MARCHF11: variants seen among roughly 807,000 people sequenced by gnomAD.
MARCHF11 encodes the protein membrane associated ring-CH-type finger 11, also known as E3 ubiquitin-protein ligase MARCHF11.
Under a neutral mutation model 37.3 loss-of-function variants are expected in MARCHF11, and 29 were observed. That is an observed-to-expected ratio of 0.78 (90% CI 0.58 to 1.06). The LOEUF (loss-of-function observed/expected upper bound fraction) is 1.06. Among genes scored for constraint, MARCHF11 ranks in the 50% least tolerant of loss-of-function variants. The pLI, the probability that MARCHF11 is intolerant of heterozygous loss-of-function variation, is 0.00. For synonymous variants in MARCHF11, 233 were observed against 228.0 expected (o/e 1.02, Z -0.20); for missense variants, 482 against 533.4 (o/e 0.90, Z 0.95).
rs56782867 is a variant in MARCHF11 at position 16,085,939 on chromosome 5, C to CAAAAAAAAAAA, written c.886+4939_886+4949dup. On this transcript the variant is annotated intron_variant, in intron 3 of 3. Transcript: ENST00000332432. ...TGGGCGAAAGAGCAAGACTCCATCT[C>CAAAAAAAAAAA]AAAAAAAAAAAAAAAAAAAAAAAAA... 1.3e-3 allele frequency among the ~76,000 whole-genome samples: 55 copies of CAAAAAAAAAAA among 40,968 alleles called. 9 individuals are homozygous for CAAAAAAAAAAA. Among genetic ancestry groups the CAAAAAAAAAAA allele is most frequent in the Non-Finnish European group, 2.0e-3 (43 of 21,440 alleles). The allele number at this position is 40,968 out of a possible 152,430, so 26.9% of individuals were successfully genotyped here. A position where few individuals can be genotyped will look rare whatever the true frequency, so the allele number is the denominator to read the frequency against.
chr5:16,163,560 T>C (rs1003840156), intron 2 of MARCHF11, among the ~76,000 whole-genome samples: 3 of 152,070 alleles, frequency 2.0e-5, no homozygotes, highest in Non-Finnish European at 4.4e-5. Flanking sequence ...ACTATATGCT[T>C]TTTGTAAGAG....
At chr5:16,103,629 C>T (rs1300057753) in intron 2 of MARCHF11, among the ~76,000 whole-genome samples, 8 of 152,132 alleles carry the variant, frequency 5.3e-5, no homozygotes, top group African/African-American at 1.9e-4. Flanking sequence ...CTTGCCATTC[C>T]CCATCAAGAA....
At chr5:16,154,982 A>T (rs1321406535) in intron 2 of MARCHF11, among the ~76,000 whole-genome samples, 2 of 151,826 alleles carry the variant, frequency 1.3e-5, no homozygotes, top group African/African-American at 4.8e-5. Flanking sequence ...TTCCTACCAC[A>T]TCTGACCCAA....
chr5:16,090,959 C>T lies in MARCHF11; in HGVS notation c.816G>A (p.Val272=), dbSNP rs766298752. The change falls in exon 3 of 4, where the codon GTG becomes GTA. Residue 272 remains valine, a synonymous_variant. Coordinates refer to ENST00000332432, the MANE Select transcript of MARCHF11 (RefSeq NM_001102562.3). ...GAAAAAGGATGTCCTTCCTCTGCCA[C>T]ACTGCATAGGGGCTGAAGGCTGACC... ...LLWSAFSPYA[V]WQRKDILFQI... 4.3e-6 allele frequency: 7 copies of T among 1,611,744 alleles called. No individual in the cohort carries two copies. In the Middle Eastern group the frequency reaches 1.2e-3, roughly 265 times the overall value.
At chr5:16,126,248 A>G (rs1021384725) in intron 2 of MARCHF11, among the ~76,000 whole-genome samples, 2 of 152,212 alleles carry the variant, frequency 1.3e-5, no homozygotes, top group African/African-American at 4.8e-5. Flanking sequence ...ATCATCTGAC[A>G]TAGAAAGAAA....
intron 2 of MARCHF11, among the ~76,000 whole-genome samples, chr5:16,125,871 A>G (rs1238095934): frequency 6.6e-6 from 1 of 152,186 alleles, no homozygotes; most frequent in Non-Finnish European, 1.5e-5. Context: ...AGTAAGCTGC[A>G]CTTGTACTTT....
chr5:16,098,000 G>A (rs1011251862), intron 2 of MARCHF11, among the ~76,000 whole-genome samples: 8 of 152,196 alleles, frequency 5.3e-5, no homozygotes, highest in Non-Finnish European at 1.0e-4. Flanking sequence ...GCATGAGTGA[G>A]TGAGGTTCAC....
chr5:16,076,599 G>GT (rs761630438), intron 3 of MARCHF11, among the ~76,000 whole-genome samples: 1 of 152,026 alleles, frequency 6.6e-6, no homozygotes, highest in Non-Finnish European at 1.5e-5. Flanking sequence ...ATATCACAGG[G>GT]GTAAGAACAT....
intron 2 of MARCHF11, among the ~76,000 whole-genome samples, chr5:16,166,997 CATTTACTTAT>C (rs1560994309): frequency 2.7e-5 from 4 of 148,106 alleles, no homozygotes; most frequent in Middle Eastern, 3.7e-3. Context: ...CAACGATGTT[CATTTACTTAT>C]GAACATACAA....
chr5:16,106,562 T>C (rs1396997584), intron 2 of MARCHF11, among the ~76,000 whole-genome samples: 1 of 152,220 alleles, frequency 6.6e-6, no homozygotes, highest in African/African-American at 2.4e-5. Context: ...TGACTTGTTG[T>C]GACAGCATGA....
rs751098192 is a variant in MARCHF11 at position 16,177,900 on chromosome 5, A to G, written c.538-19T>C. 3 of 1,595,940 alleles carry G rather than the reference A, an allele frequency of 1.9e-6. No individual in the cohort carries two copies. The highest frequency in any genetic ancestry group is 2.6e-6 in the Non-Finnish European group (3 of 1,172,180). Reference sequence around the variant, plus strand: ...ACTCACCCTAAAAAGAAAACAGCTCAGTGTGAATATCTGTGTCTGTGTCTC... The same window carrying G: ...ACTCACCCTAAAAAGAAAACAGCTCGGTGTGAATATCTGTGTCTGTGTCTC... On this transcript the variant is annotated intron_variant, in intron 1 of 3. Transcript: ENST00000332432.
At chr5:16,116,645 A>T (rs1216448398) in intron 2 of MARCHF11, among the ~76,000 whole-genome samples, 1 of 152,210 alleles carries the variant, frequency 6.6e-6, no homozygotes, top group African/African-American at 2.4e-5. Context: ...GGATTAAAAA[A>T]AAAAAGTAAA....
chr5:16,162,908 T>G (rs1412178927), intron 2 of MARCHF11, among the ~76,000 whole-genome samples: 3 of 151,822 alleles, frequency 2.0e-5, no homozygotes, highest in Admixed American at 6.6e-5. Flanking sequence ...CTTGATTTCA[T>G]CCTTCCAACA....
chr5:16,068,472 A>T (rs542018959), intron 3 of MARCHF11, among the ~76,000 whole-genome samples: 1 of 152,344 alleles, frequency 6.6e-6, no homozygotes, highest in South Asian at 2.1e-4. Flanking sequence ...GTGCTCAAAA[A>T]CATACAACTA....
rs746011063 is a variant in MARCHF11, at chr5:16,103,111, G to GAAA, written c.694-12033_694-12031dup. ...TCACCATGAGATCACTGCCCAGGCA[G>GAAA]AAAAAAAAAAAACAAAACTCCACAA... On this transcript the variant is annotated intron_variant, in intron 2 of 3. Coordinates refer to ENST00000332432, the MANE Select transcript of MARCHF11 (RefSeq NM_001102562.3). Among the ~76,000 whole-genome samples the GAAA allele has an allele frequency of 1.1e-4, 15 of 135,650 alleles. 1 individual carries two copies. The highest frequency in any genetic ancestry group is 1.4e-4 in the Admixed American group (2 of 13,862). The allele number at this position is 135,650 out of a possible 152,430, so 89.0% of individuals were successfully genotyped here.
chr5:16,097,264 A>C (rs1005369228), intron 2 of MARCHF11, among the ~76,000 whole-genome samples: 1 of 152,248 alleles, frequency 6.6e-6, no homozygotes, highest in African/African-American at 2.4e-5. Context: ...AATTCAGTTA[A>C]TTATACGCCC....
At chr5:16,087,426 A>C (rs893977875) in intron 3 of MARCHF11, among the ~76,000 whole-genome samples, 8 of 152,202 alleles carry the variant, frequency 5.3e-5, no homozygotes, top group Non-Finnish European at 1.0e-4. Context: ...AGACAAAGGG[A>C]AACCTGTTAT....
intron 2 of MARCHF11, among the ~76,000 whole-genome samples, chr5:16,161,132 C>T (rs1034036158): frequency 3.3e-5 from 5 of 151,640 alleles, no homozygotes; most frequent in Non-Finnish European, 5.9e-5. Context: ...GTGTGCTGCA[C>T]CCATTAACGC....
chr5:16,127,394 A>AG (rs966679875), intron 2 of MARCHF11, among the ~76,000 whole-genome samples: 7 of 152,230 alleles, frequency 4.6e-5, no homozygotes, highest in Admixed American at 2.0e-4. Flanking sequence ...CCCAAGTTCC[A>AG]GGGGGGATAT....
Sources: gnomAD v4.1 joint callset for allele counts (sites outside exome capture counted in the v4.1 genomes callset) on GRCh38, gnomAD v4.1.1 for gene constraint, MANE v1.5 for transcripts, NCBI Gene and HGNC (gene_info 2026-07-23, HGNC 2026-07-21) for gene names.